Variants in TAFA4 observed in about 807,000 individuals in gnomAD.
The protein encoded by TAFA4 is chemokine-like protein TAFA-4.
TAFA4 carries 20 observed loss-of-function variants against 21.1 expected under a neutral mutation model. That is an observed-to-expected ratio of 0.95 (90% CI 0.67 to 1.38). TAFA4 has a LOEUF of 1.38. TAFA4 is among the 40% of genes most tolerant of loss of function. The pLI, the probability that TAFA4 is intolerant of heterozygous loss-of-function variation, is 0.00. For synonymous variants in TAFA4, 71 were observed against 67.4 expected, an observed-to-expected ratio of 1.05 and a Z score of -0.26; for missense variants, 211 against 180.9, an observed-to-expected ratio of 1.17 and a Z score of -0.95.
At chr3:68,834,882 C>T (rs908530285) in intron 3 of TAFA4, among the ~76,000 whole-genome samples, 2 of 152,120 alleles carry the variant, frequency 1.3e-5, no homozygotes, top group South Asian at 2.1e-4. Context: ...CTTTCAAAAC[C>T]TCCCAATGAG....
rs141554485 is a variant in TAFA4 at position 68,868,944 on chromosome 3, T to C, written c.130+11786A>G. On this transcript the variant is annotated intron_variant, in intron 3 of 5. Transcript: ENST00000295569. ...AAAAGATTAACAAAAAGTTGTTTTT[T>C]TGCAGAGATAAAAAAATTGAAAAAC... 2.6e-3 allele frequency among the ~76,000 whole-genome samples: 395 copies of C among 151,922 alleles called. 2 individuals are homozygous for C. The highest frequency in any genetic ancestry group is 9.1e-3 in the African/African-American group (379 of 41,506).
intron 1 of TAFA4, among the ~76,000 whole-genome samples, chr3:68,905,849 G>A (rs2089895319): frequency 6.6e-6 from 1 of 152,190 alleles, no homozygotes; most frequent in Admixed American, 6.5e-5. Flanking sequence ...ACAAGAAACA[G>A]GGTCCTCTCC....
At chr3:68,853,667 A>G (rs570548546) in intron 3 of TAFA4, among the ~76,000 whole-genome samples, 1 of 152,186 alleles carries the variant, frequency 6.6e-6, no homozygotes, top group African/African-American at 2.4e-5. Context: ...TTAATTATTC[A>G]TTTCAATGTA....
At chr3:68,752,605 TG>T (rs1278609193) in intron 4 of TAFA4, among the ~76,000 whole-genome samples, 1 of 151,988 alleles carries the variant, frequency 6.6e-6, no homozygotes, top group Non-Finnish European at 1.5e-5. Context: ...TGGAGACAGG[TG>T]GGTAAAAGGA....
At chr3:68,781,461 A>G (rs967005003) in intron 3 of TAFA4, among the ~76,000 whole-genome samples, 2 of 152,052 alleles carry the variant, frequency 1.3e-5, no homozygotes, top group Admixed American at 6.5e-5. Context: ...TACTGATTAT[A>G]TTGATAATAA....
At chr3:68,898,814 T>C (rs2089817649) in intron 1 of TAFA4, among the ~76,000 whole-genome samples, 1 of 152,184 alleles carries the variant, frequency 6.6e-6, no homozygotes, top group African/African-American at 2.4e-5. Flanking sequence ...GTAAACCCGT[T>C]TACTTACCCA....
At chr3:68,799,973 T>A (rs141304735) in intron 3 of TAFA4, among the ~76,000 whole-genome samples, 43 of 152,216 alleles carry the variant, frequency 2.8e-4, no homozygotes, top group Non-Finnish European at 4.7e-4. Context: ...ACCGCACATG[T>A]GGGGGATCTA....
chr3:68,778,725 A>C (rs1442536991), intron 3 of TAFA4, among the ~76,000 whole-genome samples: 1 of 152,216 alleles, frequency 6.6e-6, no homozygotes, highest in Non-Finnish European at 1.5e-5. Context: ...AGGCTTCCCC[A>C]GCCACGTGGA....
intron 3 of TAFA4, among the ~76,000 whole-genome samples, chr3:68,873,885 T>C (rs2089516970): frequency 6.6e-6 from 1 of 152,184 alleles, no homozygotes; most frequent in East Asian, 1.9e-4. Flanking sequence ...TCCCACACCC[T>C]TGGATGGCTG....
At chr3:68,792,826 G>A (rs1004189843) in intron 3 of TAFA4, among the ~76,000 whole-genome samples, 4 of 152,144 alleles carry the variant, frequency 2.6e-5, no homozygotes, top group African/African-American at 9.7e-5. Context: ...AAACAACTTT[G>A]CTTCCATTCC....
chr3:68,783,671 C>CAGAGAGAGAGAGAGAGAGAG (rs796524736), intron 3 of TAFA4, among the ~76,000 whole-genome samples: 1 of 96,308 alleles, frequency 1.0e-5, no homozygotes, highest in African/African-American at 4.4e-5. Context: ...GACACACACA[C>CAGAGAGAGAGAGAGAGAGAG]ACAGAGAGAG....
At chr3:68,911,710 A>T (rs1274372085) in intron 1 of TAFA4, among the ~76,000 whole-genome samples, 1 of 152,204 alleles carries the variant, frequency 6.6e-6, no homozygotes, top group Non-Finnish European at 1.5e-5. Context: ...GGGGATAAGG[A>T]GGGAAAACTG....
intron 3 of TAFA4, among the ~76,000 whole-genome samples, chr3:68,842,656 C>G (rs1704691629): frequency 6.6e-6 from 1 of 152,134 alleles, no homozygotes; most frequent in Non-Finnish European, 1.5e-5. Flanking sequence ...AGGTTTTCTT[C>G]TAGGGTTTTT....
chr3:68,875,271 T>C (rs759232185), intron 3 of TAFA4, among the ~76,000 whole-genome samples: 152 of 152,054 alleles, frequency 1.0e-3, no homozygotes, highest in Non-Finnish European at 1.3e-3. Flanking sequence ...TTCTCATCTT[T>C]GGCTGCAGGT....
In TAFA4 at chr3:68,761,219, G is replaced by C. The variant is rs149363019; in HGVS notation, c.131-8201C>G. 1.3e-3 allele frequency among the ~76,000 whole-genome samples: 198 copies of C among 152,260 alleles called. 2 individuals carry two copies. The East Asian group carries it at 0.033, about 26-fold the overall frequency. ...GCTTAAAGAACACAGTGAACTACTTGAAACACTGCAGATACTGAATAAATG... is the reference window on the plus strand; with the variant it reads ...GCTTAAAGAACACAGTGAACTACTTCAAACACTGCAGATACTGAATAAATG... On this transcript the variant is annotated intron_variant, in intron 3 of 5. Transcript: ENST00000295569.
chr3:68,823,942 T>C (rs947788328), intron 3 of TAFA4, among the ~76,000 whole-genome samples: 1 of 152,180 alleles, frequency 6.6e-6, no homozygotes, highest in Non-Finnish European at 1.5e-5. Context: ...ATATAATTGG[T>C]CTCTTCTGTC....
rs1413342074 is a variant in TAFA4 at position 68,801,937 on chromosome 3, C to T, written c.131-48919G>A. Among the ~76,000 whole-genome samples, 13 of 144,064 alleles carry T rather than the reference C, an allele frequency of 9.0e-5. No homozygotes were observed. The South Asian group carries it at 3.2e-3, about 36-fold the overall frequency. The allele number at this position is 144,064 out of a possible 152,430, so 94.5% of individuals were successfully genotyped here. A position where few individuals can be genotyped will look rare whatever the true frequency, so the allele number is the denominator to read the frequency against. ...TCATTCAAATAATTTACACAAAATT[C>T]GATGTATTTTTTTTTCCAGAATCCA... On this transcript the variant is annotated intron_variant, in intron 3 of 5. Coordinates refer to ENST00000295569, the MANE Select transcript of TAFA4 (RefSeq NM_182522.5).
At chr3:68,895,349 G>A (rs1481560360) in intron 1 of TAFA4, among the ~76,000 whole-genome samples, 1 of 152,180 alleles carries the variant, frequency 6.6e-6, no homozygotes, top group Non-Finnish European at 1.5e-5. Flanking sequence ...TGGCCAGGCT[G>A]GTCGTGAACT....
Position 68,732,409 on chromosome 3 carries a change from A to C in TAFA4, c.*733T>G, listed in dbSNP as rs1380359715. On this transcript the variant is annotated 3_prime_UTR_variant, in exon 6 of 6. Transcript: ENST00000295569. The stretch of plus-strand genomic sequence containing the variant: ...GTAAAAATTCCAACAAGTTTTATAA[A>C]TATGTTCTGATAGAGCTTTGGTTAT... 3 of 152,584 alleles carry C rather than the reference A, an allele frequency of 2.0e-5. No individual in the cohort carries two copies. In the East Asian group the frequency reaches 5.8e-4, roughly 29 times the overall value. 9.5% of individuals were successfully genotyped at this position (152,584 alleles called of 1,614,324 possible).
Sources: gnomAD v4.1 joint callset for allele counts (sites outside exome capture counted in the v4.1 genomes callset) on GRCh38, gnomAD v4.1.1 for gene constraint, MANE v1.5 for transcripts, NCBI Gene and HGNC (gene_info 2026-07-23, HGNC 2026-07-21) for gene names.